Variants in PTDSS2 observed in about 807,000 individuals in gnomAD.
PTDSS2 encodes the protein PSS-2.
Under a neutral mutation model 64.7 loss-of-function variants are expected in PTDSS2, and 41 were observed. That is an observed-to-expected ratio of 0.63 (90% CI 0.49 to 0.82). The LOEUF is 0.82. Among genes scored for constraint, PTDSS2 ranks in the 40% least tolerant of loss-of-function variants. PTDSS2 has a pLI of 0.00. For synonymous variants in PTDSS2, 297 were observed against 277.8 expected (o/e 1.07, Z -0.69); for missense variants, 485 against 650.0 (o/e 0.75, Z 2.76).
chr11:484,866 CTG>C (rs57593760), intron 4 of PTDSS2, among the ~76,000 whole-genome samples: 16 of 132,612 alleles, frequency 1.2e-4, no homozygotes, highest in South Asian at 2.5e-4. Context: ...CGTGTGCTCA[CTG>C]TGCGCAGGCG....
chr11:488,222 G>A lies in PTDSS2; in HGVS notation c.645G>A (p.Trp215Ter), dbSNP rs1190184020. Residue 215 changes from tryptophan (W) to a stop codon, truncating the protein, a stop_gained, in exon 7 of 12, where the codon TGG becomes TGA. Coordinates refer to ENST00000308020, the MANE Select transcript of PTDSS2 (RefSeq NM_030783.3). LOFTEE classifies it high-confidence loss of function. Reference protein sequence around the residue: ...YLKTLMIRDWWMCMIISVMFE... With the variant: ...YLKTLMIRDW ...AGACCCTGATGATCCGAGACTGGTG[G>A]ATGTGCATGATCATCAGCGTGATGT... 5.0e-6 allele frequency: 8 copies of A among 1,613,368 alleles called. No homozygotes were observed. Among genetic ancestry groups the A allele is most frequent in the Non-Finnish European group, 5.9e-6 (7 of 1,179,806 alleles).
intron 8 of PTDSS2, 123 bp downstream of exon 8, chr11:488,770 C>G (rs1401711818): frequency 2.7e-6 from 2 of 731,846 alleles, no homozygotes; most frequent in African/African-American, 1.7e-5. Context: ...GAGGGGTGAC[C>G]GTGGGGCTTT....
intron 1 of PTDSS2, among the ~76,000 whole-genome samples, chr11:451,652 A>G (rs1447916044): frequency 6.6e-6 from 1 of 152,000 alleles, no homozygotes; most frequent in African/African-American, 2.4e-5. Flanking sequence ...ATGGTCGGAG[A>G]GCAAATCTGA....
intron 2 of PTDSS2, chr11:463,720 G>A (rs1847009265): frequency 6.6e-6 from 1 of 151,792 alleles, no homozygotes; most frequent in African/African-American, 2.4e-5. Context: ...TTAATTTTTT[G>A]TATTTTTAGT....
intron 1 of PTDSS2, among the ~76,000 whole-genome samples, chr11:453,758 G>A (rs755117009): frequency 5.9e-5 from 9 of 152,224 alleles, no homozygotes; most frequent in Non-Finnish European, 8.8e-5. Flanking sequence ...CCCTTTGGAC[G>A]ACGACGCCGC....
chr11:458,261 G>A (rs1234763277), intron 1 of PTDSS2, among the ~76,000 whole-genome samples: 1 of 150,888 alleles, frequency 6.6e-6, no homozygotes, highest in Non-Finnish European at 1.5e-5. Flanking sequence ...CTGGAGTGCA[G>A]TGGCGCGATC....
intron 3 of PTDSS2, among the ~76,000 whole-genome samples, chr11:475,441 C>T (rs1042551244): frequency 1.3e-5 from 2 of 150,596 alleles, no homozygotes; most frequent in Non-Finnish European, 2.9e-5. Context: ...GACATTCACG[C>T]GTTTGTGTGA....
At chr11:450,681 C>T (rs1846274056) in intron 1 of PTDSS2, 44 bp downstream of exon 1, 3 of 1,237,670 alleles carry the variant, frequency 2.4e-6, no homozygotes, top group South Asian at 8.3e-5. Context: ...GTGCCCTCGA[C>T]CTGGGGGTTC....
At chr11:471,097 CT>C (rs36051705) in intron 2 of PTDSS2, among the ~76,000 whole-genome samples, 38,422 of 128,866 alleles carry the variant, frequency 0.3, 4,190 homozygotes, top group African/African-American at 0.35. Context: ...TTAAGTAATT[CT>C]TTTTTTTTTT....
chr11:480,516 G>A (rs1848023230), intron 4 of PTDSS2: 1 of 162,004 alleles, frequency 6.2e-6, no homozygotes. Flanking sequence ...CAGTGCCTCT[G>A]AGGTTCATCC....
intron 10 of PTDSS2, 30 bp downstream of exon 10, chr11:489,763 AC>A: frequency 1.9e-6 from 3 of 1,595,488 alleles, no homozygotes; most frequent in South Asian, 1.1e-5. Context: ...GGGTGGAGAC[AC>A]CCCCGGGGGG....
rs7947963 is a variant in PTDSS2 at position 471,694 on chromosome 11, C to T, written c.285-2201C>T. ...GCGGCCTGGGGTGACGCGCGCCTGT[C>T]GGGCGGATGGTGGCCTGGGGTGACG... On this transcript the variant is annotated intron_variant, in intron 2 of 11. Transcript: ENST00000308020. 8.0e-3 allele frequency among the ~76,000 whole-genome samples: 1,084 copies of T among 136,160 alleles called. 14 individuals carry two copies. Among genetic ancestry groups the T allele is most frequent in the African/African-American group, 0.029 (1,038 of 35,612 alleles). 89.3% of individuals were successfully genotyped at this position (136,160 alleles called of 152,430 possible).
rs1467653947 is a variant in PTDSS2 at position 470,687 on chromosome 11, T to A, written c.285-3208T>A. 1.3e-5 allele frequency among the ~76,000 whole-genome samples: 2 copies of A among 152,126 alleles called. No homozygotes were observed. Among genetic ancestry groups the A allele is most frequent in the Non-Finnish European group, 2.9e-5 (2 of 68,024 alleles). ...TCACTGCAACCTCCGCCTCTCGGGT[T>A]CAAGTGATTCTCCTGCCTCAGCCTC... is the stretch of plus-strand genomic sequence containing the variant. On this transcript the variant is annotated intron_variant, in intron 2 of 11. Coordinates refer to ENST00000308020, the MANE Select transcript of PTDSS2 (RefSeq NM_030783.3). The surrounding 1 kb of genome is among the most constrained non-coding windows in gnomAD (Gnocchi z 5.3).
At position 476,354 on chromosome 11, in the gene PTDSS2, A is replaced by G. The variant is rs894026095; in HGVS notation, c.367+2377A>G. ...GTGACGGTGAGAAACTGCCCGTCAC[A>G]CAGTGAAAGGCCTGGCGCGGTGATG... On this transcript the variant is annotated intron_variant, in intron 3 of 11. Transcript: ENST00000308020. The surrounding 1 kb of genome is among the most constrained non-coding windows in gnomAD (Gnocchi z 4.9). Among the ~76,000 whole-genome samples, 3 of 152,174 alleles carry G rather than the reference A, an allele frequency of 2.0e-5. No homozygotes were observed. Among genetic ancestry groups the G allele is most frequent in the African/African-American group, 7.2e-5 (3 of 41,450 alleles).
chr11:469,771 G>A lies in PTDSS2; in HGVS notation c.285-4124G>A, dbSNP rs576509067. On this transcript the variant is annotated intron_variant, in intron 2 of 11. Coordinates refer to ENST00000308020, the MANE Select transcript of PTDSS2 (RefSeq NM_030783.3). ...GTGCCCTCCAGTCCACGGGGCCAGGGCTCTGAGGAGAAATGGCTGATTCCA... is the reference window on the plus strand; with the variant it reads ...GTGCCCTCCAGTCCACGGGGCCAGGACTCTGAGGAGAAATGGCTGATTCCA... 2.0e-5 allele frequency among the ~76,000 whole-genome samples: 3 copies of A among 152,136 alleles called. No individual in the cohort carries two copies. The South Asian group carries it at 6.2e-4, about 32-fold the overall frequency.
chr11:465,102 C>A (rs953690820), intron 2 of PTDSS2, among the ~76,000 whole-genome samples: 1 of 152,200 alleles, frequency 6.6e-6, no homozygotes, highest in Admixed American at 6.5e-5. Flanking sequence ...CATCCACGTG[C>A]AAATCTAGAC....
In PTDSS2 at chr11:470,096, G is replaced by A. The variant is rs1307832735; in HGVS notation, c.285-3799G>A. Among the ~76,000 whole-genome samples, 2 of 152,192 alleles carry A rather than the reference G, an allele frequency of 1.3e-5. No homozygotes were observed. The highest frequency in any genetic ancestry group is 2.9e-5 in the Non-Finnish European group (2 of 68,032). On this transcript the variant is annotated intron_variant, in intron 2 of 11. Coordinates refer to ENST00000308020, the MANE Select transcript of PTDSS2 (RefSeq NM_030783.3). This position sits in a 1 kb window ranked among gnomAD's most constrained non-coding sequence, Gnocchi z 5.3. Reference sequence around the variant, plus strand: ...CCCCCCATTCCAGGAGCTGGCGTGAGCTCCCGGCACCGCTGTGCGCTGCGC... The same window carrying A: ...CCCCCCATTCCAGGAGCTGGCGTGAACTCCCGGCACCGCTGTGCGCTGCGC...
At chr11:485,067 GCA>G in intron 4 of PTDSS2, among the ~76,000 whole-genome samples, 1 of 90,894 alleles carries the variant, frequency 1.1e-5, no homozygotes, top group South Asian at 3.5e-4. Context: ...AGTGTAAACT[GCA>G]CGGGCACGTG....
At position 479,313 on chromosome 11, in the gene PTDSS2, A is replaced by G. The variant is rs552703586; in HGVS notation, c.435+161A>G. 9 of 721,848 alleles carry G rather than the reference A, an allele frequency of 1.2e-5. No individual in the cohort carries two copies. In the East Asian group the frequency reaches 1.5e-4, roughly 12 times the overall value. 44.7% of individuals were successfully genotyped at this position (721,848 alleles called of 1,614,324 possible). A position where few individuals can be genotyped will look rare whatever the true frequency, so the allele number is the denominator to read the frequency against. ...CGAGCTGCGGGGGGTCTCCAGGAGC[A>G]TCTGTGCGGCCCTTGAGTGATGGGG... On this transcript the variant is annotated intron_variant, in intron 4 of 11. Transcript: ENST00000308020. This position sits in a 1 kb window ranked among gnomAD's most constrained non-coding sequence, Gnocchi z 4.2.
Sources: gnomAD v4.1 joint callset for allele counts (sites outside exome capture counted in the v4.1 genomes callset) on GRCh38, gnomAD v4.1.1 for gene constraint, Gnocchi (gnomAD v3.1) non-coding constraint, MANE v1.5 for transcripts, NCBI Gene and HGNC (gene_info 2026-07-23, HGNC 2026-07-21) for gene names.